Variants in CNOT9 observed in about 807,000 individuals in gnomAD.
CNOT9 encodes the protein RCD1 required for cell differentiation1 homolog.
A neutral mutation model predicts 37.4 loss-of-function variants in CNOT9; 8 were observed. The ratio of observed to expected loss-of-function variants is 0.21; its 90% confidence interval spans 0.13 to 0.39. The LOEUF (loss-of-function observed/expected upper bound fraction) is 0.39. CNOT9 is among the 10% of genes least tolerant of loss of function. The pLI, the probability that CNOT9 is intolerant of heterozygous loss-of-function variation, is 1.00. For synonymous variants in CNOT9, 120 were observed against 137.6 expected (o/e 0.87, Z 0.90); for missense variants, 154 against 365.3 (o/e 0.42, Z 4.71).
At chr2:218,591,709 C>G (rs1694781373) in intron 5 of CNOT9, among the ~76,000 whole-genome samples, 2 of 150,964 alleles carry the variant, frequency 1.3e-5, no homozygotes, top group South Asian at 4.2e-4. Context: ...AGCCACTGCA[C>G]TCCAGTCTGG....
intron 2 of CNOT9, chr2:218,581,001 G>T: frequency 1.8e-6 from 1 of 560,572 alleles, no homozygotes; most frequent in East Asian, 4.2e-5. Flanking sequence ...CCAGGTGATT[G>T]TGATGCAAGT....
Position 218,595,278 on chromosome 2 carries a change from T to C in CNOT9, c.*1002T>C. ...ATTAAGGTGACAGTCCACTTGATCC[T>C]TTTCTTTGTTTTAGTGTGAATTTCA... On this transcript the variant is annotated 3_prime_UTR_variant, in exon 8 of 8. Transcript: ENST00000273064. 6.6e-6 allele frequency: 1 copy of C among 152,250 alleles called. No individual in the cohort carries two copies. Among genetic ancestry groups the C allele is most frequent in the Non-Finnish European group, 1.5e-5 (1 of 68,034 alleles). The allele number at this position is 152,250 out of a possible 1,614,324, so 9.4% of individuals were successfully genotyped here.
intron 1 of CNOT9, 110 bp downstream of exon 1, chr2:218,569,088 C>G: frequency 1.6e-6 from 2 of 1,226,240 alleles, no homozygotes; most frequent in Admixed American, 2.1e-5. Flanking sequence ...TTTTTCTGCC[C>G]TCAATCTCCA....
chr2:218,583,648 C>A (rs750005974), intron 3 of CNOT9, among the ~76,000 whole-genome samples: 1 of 152,048 alleles, frequency 6.6e-6, no homozygotes, highest in South Asian at 2.1e-4. Context: ...CTTTTATGGC[C>A]CCAAAGGCAC....
Position 218,592,669 on chromosome 2 carries a change from T to C in CNOT9, c.693T>C (p.His231=), listed in dbSNP as rs751791115. Residue 231 remains histidine (H), a synonymous_variant, in exon 7 of 8, where the codon CAT becomes CAC. Transcript: ENST00000273064. This position sits in a 1 kb window ranked among gnomAD's most constrained non-coding sequence, Gnocchi z 4.1. The part of the protein sequence containing the change: ...SKEPSARLLK[H]VVRCYLRLSD... ...AGCCTTCTGCCCGTCTGCTGAAGCA[T>C]GTAGTGAGATGTTACCTTCGACTTT... The C allele has an allele frequency of 6.2e-6, 10 of 1,614,164 alleles. No individual in the cohort carries two copies. The highest frequency in any genetic ancestry group is 6.8e-6 in the Non-Finnish European group (8 of 1,180,004).
At chr2:218,578,751 G>A (rs1220317620) in intron 1 of CNOT9, among the ~76,000 whole-genome samples, 1 of 152,110 alleles carries the variant, frequency 6.6e-6, no homozygotes, top group Non-Finnish European at 1.5e-5. Flanking sequence ...TTTGTTAGCA[G>A]TTTAGAGCTT....
Position 218,583,193 on chromosome 2 carries a change from T to TTG in CNOT9, c.320+147_320+148dup, listed in dbSNP as rs745627681. On this transcript the variant is annotated intron_variant, in intron 3 of 7. Transcript: ENST00000273064. ...CATGGAGGAGAGAGAGAGAGAACGTTTGTGTGTGTGTGTGTGTGTGTGTGT... is the reference window on the plus strand; with the variant it reads ...CATGGAGGAGAGAGAGAGAGAACGTTTGTGTGTGTGTGTGTGTGTGTGTGTGT... 9.2e-5 allele frequency: 37 copies of TTG among 401,492 alleles called. 11 individuals carry two copies. The highest frequency in any genetic ancestry group is 7.3e-4 in the African/African-American group (24 of 32,786). 24.9% of individuals were successfully genotyped at this position (401,492 alleles called of 1,614,324 possible). A position where few individuals can be genotyped will look rare whatever the true frequency, so the allele number is the denominator to read the frequency against.
intron 1 of CNOT9, among the ~76,000 whole-genome samples, chr2:218,574,756 T>C (rs1026749927): frequency 7.2e-5 from 11 of 152,200 alleles, no homozygotes; most frequent in Admixed American, 6.5e-4. Flanking sequence ...TAATCTATAG[T>C]AGCAGAAAAC....
chr2:218,587,060 A>G (rs1430493467), intron 4 of CNOT9, among the ~76,000 whole-genome samples: 1 of 152,228 alleles, frequency 6.6e-6, no homozygotes, highest in Non-Finnish European at 1.5e-5. Flanking sequence ...ATTGGAGCAG[A>G]ATGAAGAGTC....
chr2:218,580,507 A>G (rs973357969), intron 1 of CNOT9, 54 bp from the exon 2 acceptor site: 13 of 1,464,964 alleles, frequency 8.9e-6, no homozygotes, highest in Non-Finnish European at 1.1e-5. Context: ...TTGCAGGGTA[A>G]GACTTGGTTT....
intron 1 of CNOT9, chr2:218,574,357 T>C (rs1474985652): frequency 6.5e-6 from 1 of 153,516 alleles, no homozygotes; most frequent in African/African-American, 2.4e-5. Context: ...ACTCATAATC[T>C]AAATCAGATT....
intron 3 of CNOT9, among the ~76,000 whole-genome samples, chr2:218,584,303 T>G (rs566621116): frequency 6.7e-4 from 102 of 152,334 alleles, no homozygotes; most frequent in African/African-American, 2.4e-3. Flanking sequence ...AGGAGAGGAC[T>G]GTCCTGTGCA....
chr2:218,568,861 A>T lies in CNOT9; in HGVS notation c.-94A>T. 7 of 1,424,220 alleles carry T rather than the reference A, an allele frequency of 4.9e-6. No homozygotes were observed. Among genetic ancestry groups the T allele is most frequent in the Non-Finnish European group, 6.8e-6 (7 of 1,036,806 alleles). The allele number at this position is 1,424,220 out of a possible 1,614,324, so 88.2% of individuals were successfully genotyped here. A position where few individuals can be genotyped will look rare whatever the true frequency, so the allele number is the denominator to read the frequency against. On this transcript the variant is annotated 5_prime_UTR_variant, in exon 1 of 8. Coordinates refer to ENST00000273064, the MANE Select transcript of CNOT9 (RefSeq NM_005444.3). ...AGCGAGCCGGAGTCGGATGGCGGCT[A>T]CGGCGGCTCATTGTTTTCCGCTGCA...
intron 1 of CNOT9, among the ~76,000 whole-genome samples, chr2:218,575,708 TG>T (rs1694143879): frequency 1.3e-5 from 2 of 152,256 alleles, no homozygotes; most frequent in South Asian, 4.1e-4. Context: ...GGACTTCATT[TG>T]ATTCTTAAAG....
At position 218,570,503 on chromosome 2, in the gene CNOT9, T is replaced by C. The variant is rs1343014907; in HGVS notation, c.24+1525T>C. ...TAGAGAGTATCTTTTATATCTCAAT[T>C]AGGTCATTGCAATTCCCCTAGCTTT... On this transcript the variant is annotated intron_variant, in intron 1 of 7. Coordinates refer to ENST00000273064, the MANE Select transcript of CNOT9 (RefSeq NM_005444.3). Among the ~76,000 whole-genome samples, 3 of 152,230 alleles carry C rather than the reference T, an allele frequency of 2.0e-5. No homozygotes were observed. The East Asian group carries it at 5.8e-4, about 29-fold the overall frequency.
intron 7 of CNOT9, among the ~76,000 whole-genome samples, chr2:218,593,258 T>C (rs1231437633): frequency 1.3e-5 from 2 of 152,362 alleles, no homozygotes; most frequent in East Asian, 3.9e-4. Context: ...CATATTCTGC[T>C]AAACCACGTA....
At chr2:218,577,663 C>T (rs1343663321) in intron 1 of CNOT9, among the ~76,000 whole-genome samples, 1 of 152,156 alleles carries the variant, frequency 6.6e-6, no homozygotes, top group Non-Finnish European at 1.5e-5. Flanking sequence ...AGGGATGGGG[C>T]CTGGTGTTCA....
chr2:218,589,570 A>G (rs1425720020), intron 5 of CNOT9, among the ~76,000 whole-genome samples: 1 of 152,178 alleles, frequency 6.6e-6, no homozygotes, highest in African/African-American at 2.4e-5. Flanking sequence ...TCCTGGGCTC[A>G]AAGGATCTTC....
intron 1 of CNOT9, among the ~76,000 whole-genome samples, chr2:218,578,859 T>C (rs536870905): frequency 2.6e-5 from 4 of 152,302 alleles, no homozygotes; most frequent in African/African-American, 9.6e-5. Flanking sequence ...TTGATGACTA[T>C]AGAGAATTAT....
Sources: gnomAD v4.1 joint callset for allele counts (sites outside exome capture counted in the v4.1 genomes callset) on GRCh38, gnomAD v4.1.1 for gene constraint, Gnocchi (gnomAD v3.1) non-coding constraint, MANE v1.5 for transcripts, NCBI Gene and HGNC (gene_info 2026-07-23, HGNC 2026-07-21) for gene names.